The following SLC29A4 variants were observed in gnomAD, a reference collection of about 807,000 sequenced individuals.
SLC29A4 encodes solute carrier family 29 member 4.
A neutral mutation model predicts 43.9 loss-of-function variants in SLC29A4; 36 were observed. That is an observed-to-expected ratio of 0.82 (90% CI 0.63 to 1.08). The LOEUF (loss-of-function observed/expected upper bound fraction) is 1.08, where lower values mean the gene tolerates loss of function less well. Among genes scored for constraint, SLC29A4 ranks in the 50% least tolerant of loss-of-function variants. The pLI is 0.00. For missense variants in SLC29A4, 869 were observed against 755.3 expected (o/e 1.15, Z -1.77); for synonymous variants, 491 against 338.0 (o/e 1.45, Z -4.97).
rs556206264 is a variant in SLC29A4 at position 5,303,322 on chromosome 7, C to T, written c.*383C>T. 3.9e-4 allele frequency: 114 copies of T among 292,738 alleles called. No individual in the cohort carries two copies. The highest frequency in any genetic ancestry group is 7.7e-4 in the East Asian group (7 of 9,148). 18.1% of individuals were successfully genotyped at this position (292,738 alleles called of 1,614,324 possible). ...GTGTGCGCGCCCAGTGACTGCACCC[C>T]GGCCCTCATCACCCACCGGCACTGA... is the stretch of plus-strand genomic sequence containing the variant. On this transcript the variant is annotated 3_prime_UTR_variant, in exon 11 of 11. Transcript: ENST00000396872.
At position 5,291,849 on chromosome 7, in the gene SLC29A4, C is replaced by T. The variant is rs769840492; in HGVS notation, c.544+28C>T. ...AGGAACCGGGGCCCAAGGGGGAGGC[C>T]TTGAGTGCCCACTTCCGACCCCATC... On this transcript the variant is annotated intron_variant, in intron 5 of 10. Transcript: ENST00000396872. The T allele has an allele frequency of 3.7e-6, 6 of 1,603,752 alleles. No homozygotes were observed. The East Asian group carries it at 9.0e-5, about 24-fold the overall frequency.
chr7:5,292,146 T>G (rs1785351442), intron 5 of SLC29A4, among the ~76,000 whole-genome samples: 1 of 152,226 alleles, frequency 6.6e-6, no homozygotes, highest in South Asian at 2.1e-4. Flanking sequence ...GATCTGACTT[T>G]GTCACCCAGG....
chr7:5,293,279 C>T lies in SLC29A4; in HGVS notation c.544+1458C>T, dbSNP rs1286778949. Among the ~76,000 whole-genome samples the T allele has an allele frequency of 2.7e-5, 4 of 148,270 alleles. No individual in the cohort carries two copies. The Admixed American group carries it at 2.8e-4, about 10-fold the overall frequency. On this transcript the variant is annotated intron_variant, in intron 5 of 10. Coordinates refer to ENST00000396872, the MANE Select transcript of SLC29A4 (RefSeq NM_153247.4). The stretch of plus-strand genomic sequence containing the variant: ...CTCCGTCTCCCAGGTTCAAGGGATT[C>T]TCCTGCCTCAGCCTCCCGAGTAGCT...
Position 5,303,281 on chromosome 7 carries a change from G to A in SLC29A4, c.*342G>A, listed in dbSNP as rs1234632068. 5 of 377,836 alleles carry A rather than the reference G, an allele frequency of 1.3e-5. No homozygotes were observed. Among genetic ancestry groups the A allele is most frequent in the Non-Finnish European group, 2.4e-5 (5 of 204,448 alleles). 23.4% of individuals were successfully genotyped at this position (377,836 alleles called of 1,614,324 possible). ...ACGCACCGTGTCCCCACCCAGGACA[G>A]CAGACACCCGCCAGAGTGTGCGCGC... On this transcript the variant is annotated 3_prime_UTR_variant, in exon 11 of 11. Coordinates refer to ENST00000396872, the MANE Select transcript of SLC29A4 (RefSeq NM_153247.4).
Position 5,292,690 on chromosome 7 carries a change from C to CTTTTTTT in SLC29A4, c.544+891_544+897dup, listed in dbSNP as rs1056329272. Among the ~76,000 whole-genome samples, 140 of 67,420 alleles carry CTTTTTTT rather than the reference C, an allele frequency of 2.1e-3. 19 individuals carry two copies. Among genetic ancestry groups the CTTTTTTT allele is most frequent in the African/African-American group, 7.6e-3 (123 of 16,086 alleles). The allele number at this position is 67,420 out of a possible 152,430, so 44.2% of individuals were successfully genotyped here. On this transcript the variant is annotated intron_variant, in intron 5 of 10. Transcript: ENST00000396872. ...TTCTACCAGCCAAGACATTTTTTTC[C>CTTTTTTT]TTTTTTTTTTTTTTTTTTTTTTTTT...
In SLC29A4 at chr7:5,288,289, G is replaced by A. The variant is rs74812087; in HGVS notation, c.169+304G>A. On this transcript the variant is annotated intron_variant, in intron 2 of 10. Transcript: ENST00000396872. ...GGGACCATGGCTCATGCGCTGACCC[G>A]TACAGCTTCTTTTTTTTTTTTTTTT... is the stretch of plus-strand genomic sequence containing the variant. 1.7e-3 allele frequency among the ~76,000 whole-genome samples: 241 copies of A among 142,146 alleles called. 1 individual carries two copies. Among genetic ancestry groups the A allele is most frequent in the African/African-American group, 6.1e-3 (233 of 37,984 alleles). The allele number at this position is 142,146 out of a possible 152,430, so 93.3% of individuals were successfully genotyped here.
chr7:5,300,479 C>T lies in SLC29A4; in HGVS notation c.1267C>T (p.Leu423=). ...RGTHLLACSC[L]RVVFIPLFIL... Reference sequence around the variant, plus strand: ...CACCCACCTGCTGGCCTGCTCCTGCCTGCGTGTGGTCTTCATCCCCCTCTT... The same window carrying T: ...CACCCACCTGCTGGCCTGCTCCTGCTTGCGTGTGGTCTTCATCCCCCTCTT... Residue 423 remains leucine, a synonymous_variant, in exon 10 of 11, where the codon CTG becomes TTG. Coordinates refer to ENST00000396872, the MANE Select transcript of SLC29A4 (RefSeq NM_153247.4). 6.2e-7 allele frequency: 1 copy of T among 1,611,776 alleles called. No homozygotes were observed.
chr7:5,300,771 T>G, intron 10 of SLC29A4, 109 bp downstream of exon 10: 1 of 1,423,688 alleles, frequency 7.0e-7, no homozygotes, highest in Non-Finnish European at 9.3e-7. Flanking sequence ...GTTCCGGGGG[T>G]TCAGAACAGT....
At chr7:5,290,052 ATTT>A (rs386409422) in intron 2 of SLC29A4, among the ~76,000 whole-genome samples, 7 of 117,254 alleles carry the variant, frequency 6.0e-5, no homozygotes, top group African/African-American at 6.6e-5. Flanking sequence ...TGCCCAGCTA[ATTT>A]TTTTTTTTTT....
At chr7:5,299,455 G>A (rs1785977376) in intron 9 of SLC29A4, 28 bp downstream of exon 9, 1 of 1,598,262 alleles carries the variant, frequency 6.3e-7, no homozygotes, top group Non-Finnish European at 8.5e-7. Context: ...CCCGGTGTCG[G>A]GGGACGCCAT....
chr7:5,287,255 G>T (rs1473633992), intron 1 of SLC29A4, among the ~76,000 whole-genome samples: 1 of 151,990 alleles, frequency 6.6e-6, no homozygotes, highest in Non-Finnish European at 1.5e-5. Flanking sequence ...CTCTACAAAA[G>T]AAATTTTTTA....
At position 5,302,790 on chromosome 7, in the gene SLC29A4, T is replaced by G. The variant is rs751250053; in HGVS notation, c.1451-7T>G. 5 of 1,552,446 alleles carry G rather than the reference T, an allele frequency of 3.2e-6. No homozygotes were observed. Among genetic ancestry groups the G allele is most frequent in the Non-Finnish European group, 4.4e-6 (5 of 1,147,864 alleles). ...CCCTGCTCCCCTCAGGCTGGTGTTG[T>G]CCACAGGGAACACCATGACCGTGTC... On this transcript the variant is annotated splice_polypyrimidine_tract_variant and splice_region_variant and intron_variant, in intron 10 of 10. Coordinates refer to ENST00000396872, the MANE Select transcript of SLC29A4 (RefSeq NM_153247.4).
rs1786360795 is a variant in SLC29A4, at chr7:5,304,119, A to T, written c.*1180A>T. ...GGGGCTGGGACTGCCATCTCGGGAT[A>T]CCGGTGGAACTCGGGCTGCCCCGCA... is the stretch of plus-strand genomic sequence containing the variant. On this transcript the variant is annotated 3_prime_UTR_variant, in exon 11 of 11. Transcript: ENST00000396872. 1.3e-5 allele frequency: 2 copies of T among 152,356 alleles called. No individual in the cohort carries two copies. The highest frequency in any genetic ancestry group is 2.9e-5 in the Non-Finnish European group (2 of 68,126). 9.4% of individuals were successfully genotyped at this position (152,356 alleles called of 1,614,324 possible).
chr7:5,302,608 A>C lies in SLC29A4; in HGVS notation c.1451-189A>C, dbSNP rs114506036. 6.7e-3 allele frequency among the ~76,000 whole-genome samples: 1,020 copies of C among 152,330 alleles called. 11 individuals carry two copies. The highest frequency in any genetic ancestry group is 0.021 in the African/African-American group (881 of 41,574). ...AGGCAAGGCCTGGAGTGCATAGCAG[A>C]TGGCCTCGGGAAGAAGGAATGAGGA... On this transcript the variant is annotated intron_variant, in intron 10 of 10. Transcript: ENST00000396872.
intron 1 of SLC29A4, among the ~76,000 whole-genome samples, chr7:5,285,950 C>T (rs1460487042): frequency 6.6e-6 from 1 of 152,056 alleles, no homozygotes; most frequent in African/African-American, 2.4e-5. Flanking sequence ...GCAGAGGCTC[C>T]AGTGAGTTGT....
In SLC29A4 at chr7:5,306,096, C is replaced by G. The variant is rs6973693; in HGVS notation, c.*3157C>G. The G allele has an allele frequency of 0.91, 137,704 of 151,666 alleles. 62,675 individuals carry two copies. Among genetic ancestry groups the G allele is most frequent in the African/African-American group, 0.98 (40,352 of 41,346 alleles). The allele number at this position is 151,666 out of a possible 1,614,324, so 9.4% of individuals were successfully genotyped here. Reference sequence around the variant, plus strand: ...ACTCCTGACCTCAAGTGATCCGCCTCCCTTGGCCTCCCAAAGTGCTGGGAT... The same window carrying G: ...ACTCCTGACCTCAAGTGATCCGCCTGCCTTGGCCTCCCAAAGTGCTGGGAT... On this transcript the variant is annotated 3_prime_UTR_variant, in exon 11 of 11. Coordinates refer to ENST00000396872, the MANE Select transcript of SLC29A4 (RefSeq NM_153247.4).
chr7:5,294,999 C>T (rs1785556149), intron 6 of SLC29A4, 65 bp downstream of exon 6: 3 of 1,407,066 alleles, frequency 2.1e-6, no homozygotes, highest in Admixed American at 4.3e-5. Context: ...AAGCTTCTTC[C>T]CAGGGACTCC....
At position 5,302,865 on chromosome 7, in the gene SLC29A4, A is replaced by G; in HGVS notation, c.1519A>G (p.Ser507Gly). 1.2e-6 allele frequency: 2 copies of G among 1,601,994 alleles called. No individual in the cohort carries two copies. The highest frequency in any genetic ancestry group is 1.7e-6 in the Non-Finnish European group (2 of 1,174,812). ...GTCCGCCGTGGCCTACTGCACCTAC[A>G]GCCTCACCCGCGACGCTCACGGCAG... is the stretch of plus-strand genomic sequence containing the variant. The part of the protein sequence containing the change: ...LGSAVAYCTY[S>G]LTRDAHGSCL... The change falls in exon 11 of 11, where the codon AGC becomes GGC. Residue 507 changes from serine to glycine, a missense_variant. By Grantham distance (56) the Ser-to-Gly change is moderately conservative (BLOSUM62 0). Transcript: ENST00000396872.
rs1279981687 is a variant in SLC29A4, at chr7:5,297,057, G to A, written c.741G>A (p.Leu247=). Residue 247 remains leucine, a synonymous_variant, in exon 7 of 11, where the codon CTG becomes CTA. Transcript: ENST00000396872. ...TGGCGCTGGAGCTGCTGTGTTTCCT[G>A]CTGCACCTGTTAGTGCGGCGCAGCC... ...VSVALELLCF[L]LHLLVRRSRF... 13 of 1,607,848 alleles carry A rather than the reference G, an allele frequency of 8.1e-6. No individual in the cohort carries two copies. The highest frequency in any genetic ancestry group is 3.3e-5 in the Admixed American group (2 of 59,998).
Sources: gnomAD v4.1 joint callset for allele counts (sites outside exome capture counted in the v4.1 genomes callset) on GRCh38, gnomAD v4.1.1 for gene constraint, MANE v1.5 for transcripts, NCBI Gene and HGNC (gene_info 2026-07-23, HGNC 2026-07-21) for gene names.